Variants in ZFAND5 observed in about 807,000 individuals in gnomAD.
ZFAND5 encodes the protein zinc finger AN1-type containing 5.
Under a neutral mutation model 23.6 loss-of-function variants are expected in ZFAND5, and 4 were observed. That is an observed-to-expected ratio of 0.17 (90% CI 0.08 to 0.39). ZFAND5 has a LOEUF of 0.39. Ranked by LOEUF, ZFAND5 falls within the 10% of genes least tolerant of loss-of-function variation. The pLI, the probability that ZFAND5 is intolerant of heterozygous loss-of-function variation, is 1.00. For missense variants in ZFAND5, 161 were observed against 253.7 expected, an observed-to-expected ratio of 0.63 and a Z score of 2.48; for synonymous variants, 68 against 80.6, an observed-to-expected ratio of 0.84 and a Z score of 0.84.
intron 5 of ZFAND5, among the ~76,000 whole-genome samples, chr9:72,358,984 A>AAT (rs10660705): frequency 0.98 from 149,334 of 152,182 alleles, 73,330 homozygotes; most frequent in Middle Eastern, 1. Context: ...ACTCCCACAA[A>AAT]ATATGATAGG....
rs6715 is a variant in ZFAND5 at position 72,354,666 on chromosome 9, T to C, written c.*1287A>G. ...ACTGAACATTGCAATAAATCAGAAG[T>C]AGTGCCTCGTGTACATACTTAACTA... On this transcript the variant is annotated 3_prime_UTR_variant, in exon 7 of 7. Coordinates refer to ENST00000376962, the MANE Select transcript of ZFAND5 (RefSeq NM_001102420.3). 2 of 152,556 alleles carry C rather than the reference T, an allele frequency of 1.3e-5. No individual in the cohort carries two copies. The highest frequency in any genetic ancestry group is 2.1e-4 in the South Asian group (1 of 4,836). The allele number at this position is 152,556 out of a possible 1,614,324, so 9.5% of individuals were successfully genotyped here.
At chr9:72,359,112 A>G (rs545386184) in intron 5 of ZFAND5, among the ~76,000 whole-genome samples, 1 of 152,288 alleles carries the variant, frequency 6.6e-6, no homozygotes, top group East Asian at 1.9e-4. Context: ...ATTATTCCTT[A>G]TACCCTTGAA....
In ZFAND5 at chr9:72,352,945, A is replaced by G. The variant is rs1841815731; in HGVS notation, c.*3008T>C. On this transcript the variant is annotated 3_prime_UTR_variant, in exon 7 of 7. Coordinates refer to ENST00000376962, the MANE Select transcript of ZFAND5 (RefSeq NM_001102420.3). ...GGTCCCTCATCTTAATCACTATGCC[A>G]TAATGCTCAGAAACAGCTTTCCCTC... 1.3e-5 allele frequency: 2 copies of G among 152,232 alleles called. No individual in the cohort carries two copies. Among genetic ancestry groups the G allele is most frequent in the South Asian group, 4.1e-4 (2 of 4,832 alleles). The allele number at this position is 152,232 out of a possible 1,614,324, so 9.4% of individuals were successfully genotyped here.
chr9:72,354,736 T>C lies in ZFAND5; in HGVS notation c.*1217A>G, dbSNP rs553995456. On this transcript the variant is annotated 3_prime_UTR_variant, in exon 7 of 7. Transcript: ENST00000376962. ...ATTACCACAACACTAACTATACTCA[T>C]TTATATATAAAAAACACAAGTTTCA... 3.9e-5 allele frequency: 6 copies of C among 152,592 alleles called. No homozygotes were observed. The South Asian group carries it at 1.0e-3, about 26-fold the overall frequency. 9.5% of individuals were successfully genotyped at this position (152,592 alleles called of 1,614,324 possible). A position where few individuals can be genotyped will look rare whatever the true frequency, so the allele number is the denominator to read the frequency against.
chr9:72,359,657 A>G lies in ZFAND5; in HGVS notation c.264-136T>C, dbSNP rs1030057046. The G allele has an allele frequency of 7.2e-6, 6 of 833,876 alleles. No homozygotes were observed. The Admixed American group carries it at 1.7e-4, about 24-fold the overall frequency. 51.7% of individuals were successfully genotyped at this position (833,876 alleles called of 1,614,324 possible). A position where few individuals can be genotyped will look rare whatever the true frequency, so the allele number is the denominator to read the frequency against. ...TGGAGCTAGATAATCTAAAGTTTAA[A>G]AAAAAATTGGATGCCCAGCACAAAT... On this transcript the variant is annotated intron_variant, in intron 4 of 6. Coordinates refer to ENST00000376962, the MANE Select transcript of ZFAND5 (RefSeq NM_001102420.3).
rs34407229 is a variant in ZFAND5 at position 72,356,823 on chromosome 9, C to CT, written c.493+107dup. Reference sequence around the variant, plus strand: ...CTTTCCTAGACTACAGCTAGTCAGGCTTTTTTTTTTTTTTTATGTGTAAGA... The same window carrying CT: ...CTTTCCTAGACTACAGCTAGTCAGGCTTTTTTTTTTTTTTTTATGTGTAAGA... On this transcript the variant is annotated intron_variant, in intron 6 of 6. Coordinates refer to ENST00000376962, the MANE Select transcript of ZFAND5 (RefSeq NM_001102420.3). 3.9e-4 allele frequency: 435 copies of CT among 1,118,738 alleles called. No individual in the cohort carries two copies. In the African/African-American group the frequency reaches 5.9e-3, roughly 15 times the overall value. The allele number at this position is 1,118,738 out of a possible 1,614,324, so 69.3% of individuals were successfully genotyped here. A position where few individuals can be genotyped will look rare whatever the true frequency, so the allele number is the denominator to read the frequency against.
intron 4 of ZFAND5, 32 bp from the exon 5 acceptor site, chr9:72,359,553 G>T: frequency 6.3e-7 from 1 of 1,587,386 alleles, no homozygotes. Flanking sequence ...ATTTTTAAAG[G>T]TGTTAAGGGT....
chr9:72,357,592 A>G (rs1331915849), intron 5 of ZFAND5, among the ~76,000 whole-genome samples: 1 of 152,162 alleles, frequency 6.6e-6, no homozygotes, highest in East Asian at 1.9e-4. Context: ...AAAAATTCCA[A>G]AACAATCATT....
chr9:72,364,372 G>A, intron 1 of ZFAND5: 1 of 1,161,382 alleles, frequency 8.6e-7, no homozygotes, highest in South Asian at 1.6e-5. Context: ...GTTTCTCTGG[G>A]TCGTGGTGCC....
At chr9:72,360,893 C>G (rs910763129) in intron 2 of ZFAND5, 106 bp from the exon 3 acceptor site, 10 of 1,024,762 alleles carry the variant, frequency 9.8e-6, no homozygotes, top group Non-Finnish European at 1.3e-5. Context: ...AACAAAAGCC[C>G]AAATTCCGTT....
intron 2 of ZFAND5, among the ~76,000 whole-genome samples, chr9:72,362,691 CATGA>C (rs1321405752): frequency 3.9e-5 from 6 of 152,234 alleles, no homozygotes; most frequent in African/African-American, 1.4e-4. Flanking sequence ...GGTACCAGGA[CATGA>C]GTCTTCTACA....
In ZFAND5 at chr9:72,353,384, AAAACTGATTGGCCGGGTGCGGTGCCTC is replaced by A. The variant is rs1304126780; in HGVS notation, c.*2542_*2568del. On this transcript the variant is annotated 3_prime_UTR_variant, in exon 7 of 7. Transcript: ENST00000376962. ...ACAAACAAACAAAAAAAAAACAAAA[AAAACTGATTGGCCGGGTGCGGTGCCTC>A]ACGCCTGTAATCCCAGCACTTTGGG... The A allele has an allele frequency of 6.6e-6, 1 of 152,254 alleles. No individual in the cohort carries two copies. Among genetic ancestry groups the A allele is most frequent in the African/African-American group, 2.4e-5 (1 of 41,442 alleles). 9.4% of individuals were successfully genotyped at this position (152,254 alleles called of 1,614,324 possible). A position where few individuals can be genotyped will look rare whatever the true frequency, so the allele number is the denominator to read the frequency against.
intron 3 of ZFAND5, 134 bp downstream of exon 3, chr9:72,360,494 G>T: frequency 8.5e-7 from 1 of 1,183,006 alleles, no homozygotes; most frequent in Non-Finnish European, 1.2e-6. Context: ...TCAAGCACTT[G>T]GGCTGTTGCT....
At chr9:72,364,529 C>T (rs770324446) in intron 1 of ZFAND5, 167 bp downstream of exon 1, 3 of 1,278,612 alleles carry the variant, frequency 2.3e-6, no homozygotes, top group Admixed American at 4.7e-5. Context: ...ATGACGCCTC[C>T]GTCTTTGTGC....
Position 72,364,409 on chromosome 9 carries a change from G to A in ZFAND5, c.-147+287C>T, listed in dbSNP as rs925648969. 7 of 1,211,202 alleles carry A rather than the reference G, an allele frequency of 5.8e-6. No individual in the cohort carries two copies. The African/African-American group carries it at 8.4e-5, about 15-fold the overall frequency. 75.0% of individuals were successfully genotyped at this position (1,211,202 alleles called of 1,614,324 possible). ...ACGCCGGGCGCCGCCGCGGAGGCGA[G>A]CGGCCTAGAGGCCGGCCCCGCAGAG... On this transcript the variant is annotated intron_variant, in intron 1 of 6. Transcript: ENST00000376962.
chr9:72,363,813 G>T (rs1015000085), intron 1 of ZFAND5: 2 of 253,984 alleles, frequency 7.9e-6, no homozygotes, highest in African/African-American at 4.6e-5. Flanking sequence ...CTAAATCCCA[G>T]GTTTAAGAAC....
chr9:72,360,062 G>A lies in ZFAND5; in HGVS notation c.263+48C>T. ...ATTATTGGACCAGTACAGACATCTT[G>A]ATTTCTTCTTTGTAATATCATAAAA... On this transcript the variant is annotated intron_variant, in intron 4 of 6. Coordinates refer to ENST00000376962, the MANE Select transcript of ZFAND5 (RefSeq NM_001102420.3). 2.0e-6 allele frequency: 3 copies of A among 1,510,408 alleles called. No homozygotes were observed. The South Asian group carries it at 3.5e-5, about 17-fold the overall frequency. 93.6% of individuals were successfully genotyped at this position (1,510,408 alleles called of 1,614,324 possible). A position where few individuals can be genotyped will look rare whatever the true frequency, so the allele number is the denominator to read the frequency against.
At chr9:72,358,849 A>G (rs889910776) in intron 5 of ZFAND5, among the ~76,000 whole-genome samples, 1 of 152,108 alleles carries the variant, frequency 6.6e-6, no homozygotes, top group African/African-American at 2.4e-5. Context: ...TCTAGGGCCT[A>G]GTACAGGTAA....
intron 5 of ZFAND5, 134 bp downstream of exon 5, chr9:72,359,284 A>T: frequency 1.4e-6 from 1 of 713,342 alleles, no homozygotes; most frequent in Non-Finnish European, 2.3e-6. Context: ...TAAAGATAGT[A>T]GTTCTTTGCT....
Sources: gnomAD v4.1 joint callset for allele counts (sites outside exome capture counted in the v4.1 genomes callset) on GRCh38, gnomAD v4.1.1 for gene constraint, MANE v1.5 for transcripts, NCBI Gene and HGNC (gene_info 2026-07-23, HGNC 2026-07-21) for gene names.